Variants in CDC73 observed in about 807,000 individuals in gnomAD.
The protein encoded by CDC73 is parafibromin.
CDC73 carries 21 observed loss-of-function variants against 83.7 expected under a neutral mutation model. The observed-to-expected ratio is 0.25, with a 90% CI of 0.18 to 0.36. CDC73 has a LOEUF of 0.36. CDC73 is among the 10% of genes least tolerant of loss of function. The probability of loss-of-function intolerance (pLI) is 1.00; values close to 1 mark genes in which losing one functional copy is unlikely to be tolerated. For missense variants in CDC73, 342 were observed against 653.3 expected (o/e 0.52, Z 5.19); for synonymous variants, 224 against 212.9 (o/e 1.05, Z -0.45).
intron 13 of CDC73, among the ~76,000 whole-genome samples, chr1:193,217,640 G>A (rs887943986): frequency 1.4e-4 from 21 of 151,988 alleles, no homozygotes; most frequent in Non-Finnish European, 2.5e-4. Context: ...TCCTTTTGAC[G>A]TCTGGCCACC....
chr1:193,154,152 G>A (rs1470842271), intron 10 of CDC73, among the ~76,000 whole-genome samples: 1 of 152,182 alleles, frequency 6.6e-6, no homozygotes, highest in Non-Finnish European at 1.5e-5. Flanking sequence ...CCCTAAGTGC[G>A]ACAGAACTTG....
chr1:193,215,214 A>C (rs753222681), intron 13 of CDC73, among the ~76,000 whole-genome samples: 1 of 152,216 alleles, frequency 6.6e-6, no homozygotes, highest in Non-Finnish European at 1.5e-5. Flanking sequence ...CTTCTCTCAA[A>C]TTATGTGCTG....
chr1:193,235,661 A>G (rs1301348002), intron 14 of CDC73, among the ~76,000 whole-genome samples: 2 of 152,184 alleles, frequency 1.3e-5, no homozygotes, highest in Non-Finnish European at 2.9e-5. Context: ...ATGCTTTAAA[A>G]ACTACTTATA....
At chr1:193,163,021 C>G (rs1364070291) in intron 10 of CDC73, among the ~76,000 whole-genome samples, 1 of 152,054 alleles carries the variant, frequency 6.6e-6, no homozygotes, top group African/African-American at 2.4e-5. Context: ...ATTTTAGTAA[C>G]TTATCTAGCT....
chr1:193,180,453 A>G (rs1401026208), intron 10 of CDC73: 3 of 1,613,978 alleles, frequency 1.9e-6, no homozygotes, highest in East Asian at 2.2e-5. Context: ...AGCTCGAATA[A>G]GAGACTCGCC....
At chr1:193,189,175 A>T (rs189008274) in intron 10 of CDC73, among the ~76,000 whole-genome samples, 1 of 152,182 alleles carries the variant, frequency 6.6e-6, no homozygotes, top group Non-Finnish European at 1.5e-5. Context: ...GCCAGTCTCA[A>T]ACTCCTGACC....
rs943151694 is a variant in CDC73 at position 193,254,590 on chromosome 1, A to C, written c.*3878A>C. Among the ~76,000 whole-genome samples, 1 of 152,284 alleles carries C rather than the reference A, an allele frequency of 6.6e-6. No homozygotes were observed. The highest frequency in any genetic ancestry group is 1.9e-4 in the East Asian group (1 of 5,190). On this transcript the variant is annotated 3_prime_UTR_variant, in exon 17 of 17. Transcript: ENST00000367435. Reference sequence around the variant, plus strand: ...CTGTTGGAATAATAACTAAGGAAAAATTGAAAATGTATAATAGATGTATAA... The same window carrying C: ...CTGTTGGAATAATAACTAAGGAAAACTTGAAAATGTATAATAGATGTATAA...
chr1:193,181,595 T>C, intron 10 of CDC73: 3 of 1,520,300 alleles, frequency 2.0e-6, no homozygotes, highest in Non-Finnish European at 2.6e-6. Context: ...ATATGAGAGA[T>C]TGGTGACCAA....
At chr1:193,241,617 A>G (rs1677861867) in intron 15 of CDC73, among the ~76,000 whole-genome samples, 3 of 152,330 alleles carry the variant, frequency 2.0e-5, no homozygotes, top group East Asian at 1.9e-4. Context: ...TGGGCTGGAC[A>G]GGACAGTGCG....
intron 10 of CDC73, among the ~76,000 whole-genome samples, chr1:193,166,651 CTTT>C (rs1222917697): frequency 3.6e-5 from 5 of 139,138 alleles, no homozygotes; most frequent in Admixed American, 1.4e-4. Flanking sequence ...CACTTTTTTT[CTTT>C]TTTTTTTTTT....
rs745622946 is a variant in CDC73 at position 193,254,316 on chromosome 1, CT to C, written c.*3607del. ...TGAAAAGTTGGCAGCTGCTCTGTTTCTTTAAAAAAGTACAACATGAAAATTT... is the reference window on the plus strand; with the variant it reads ...TGAAAAGTTGGCAGCTGCTCTGTTTCTTAAAAAAGTACAACATGAAAATTT... On this transcript the variant is annotated 3_prime_UTR_variant, in exon 17 of 17. Transcript: ENST00000367435. 6.6e-5 allele frequency among the ~76,000 whole-genome samples: 10 copies of C among 151,904 alleles called. No individual in the cohort carries two copies. Among genetic ancestry groups the C allele is most frequent in the Non-Finnish European group, 1.2e-4 (8 of 67,892 alleles).
intron 6 of CDC73, among the ~76,000 whole-genome samples, chr1:193,139,729 G>A (rs1315019977): frequency 2.6e-5 from 4 of 152,028 alleles, no homozygotes; most frequent in Non-Finnish European, 5.9e-5. Context: ...AAATCCCTTG[G>A]AAACAGTTTG....
At chr1:193,174,660 C>T (rs889035032) in intron 10 of CDC73, among the ~76,000 whole-genome samples, 7 of 151,978 alleles carry the variant, frequency 4.6e-5, no homozygotes, top group African/African-American at 9.7e-5. Context: ...TTGTTCCTGG[C>T]GAATCAGATT....
intron 10 of CDC73, among the ~76,000 whole-genome samples, chr1:193,163,776 A>G (rs1440751513): frequency 6.6e-6 from 1 of 151,938 alleles, no homozygotes; most frequent in East Asian, 1.9e-4. Flanking sequence ...GCTATAGTAT[A>G]GTAGATTTTT....
intron 9 of CDC73, among the ~76,000 whole-genome samples, chr1:193,151,571 G>A (rs957641751): frequency 1.3e-5 from 2 of 152,130 alleles, no homozygotes; most frequent in African/African-American, 2.4e-5. Context: ...TTACAGAAAG[G>A]CATATTGGGA....
At chr1:193,248,878 A>G (rs1677996864) in intron 15 of CDC73, among the ~76,000 whole-genome samples, 1 of 152,096 alleles carries the variant, frequency 6.6e-6, no homozygotes, top group African/African-American at 2.4e-5. Flanking sequence ...TTTTTGAGAT[A>G]GAATTCACTC....
intron 10 of CDC73, among the ~76,000 whole-genome samples, chr1:193,165,977 T>C (rs1225803900): frequency 6.6e-6 from 1 of 152,248 alleles, no homozygotes; most frequent in East Asian, 1.9e-4. Context: ...AATTTTAGGT[T>C]GACTTTGTTA....
chr1:193,184,606 T>C (rs1008898507), intron 10 of CDC73, among the ~76,000 whole-genome samples: 8 of 151,912 alleles, frequency 5.3e-5, no homozygotes, highest in Admixed American at 1.3e-4. Context: ...TTGATCTCTT[T>C]AGTCTGTTGG....
Position 193,147,931 on chromosome 1 carries a change from C to T in CDC73, c.794C>T (p.Pro265Leu), listed in dbSNP as rs1335804597. ...AAAGCCAGAGAAGAAGGGCGTGCAC[C>T]TGAACAGCGACCTGCCCCAAATGCA... ...SVKAREEGRA[P>L]EQRPAPNAAP... is the part of the protein sequence containing the mutation. The change falls in exon 8 of 17, where the codon CCT becomes CTT. Residue 265 changes from proline to leucine, a missense_variant. This residue lies in a region of CDC73 where 239 missense variants were observed against 420.6 expected (regional missense o/e 0.57). Coordinates refer to ENST00000367435, the MANE Select transcript of CDC73 (RefSeq NM_024529.5). 5 of 1,613,424 alleles carry T rather than the reference C, an allele frequency of 3.1e-6. No homozygotes were observed. Among genetic ancestry groups the T allele is most frequent in the African/African-American group, 2.7e-5 (2 of 74,916 alleles).
Sources: allele counts gnomAD v4.1 joint callset (sites outside exome capture counted in the v4.1 genomes callset), GRCh38; gene constraint gnomAD v4.1.1; regional missense constraint gnomAD v4.1.1; transcripts MANE v1.5; gene names NCBI Gene and HGNC (gene_info 2026-07-23, HGNC 2026-07-21).